The following XKR4 variants were observed in gnomAD, a reference collection of about 807,000 sequenced individuals.
XKR4 encodes XK-related protein 4.
In XKR4, 12 loss-of-function variants were observed where a neutral mutation model predicts 53.9. The ratio of observed to expected loss-of-function variants is 0.22; its 90% CI spans 0.14 to 0.36. The LOEUF (loss-of-function observed/expected upper bound fraction) is 0.36. Among genes scored for constraint, XKR4 ranks in the 10% least tolerant of loss-of-function variants. XKR4 has a pLI of 1.00. For synonymous variants in XKR4, 354 were observed against 362.4 expected (o/e 0.98, Z 0.26); for missense variants, 799 against 859.5 (o/e 0.93, Z 0.88).
chr8:55,474,982 G>A (rs987904467), intron 2 of XKR4, among the ~76,000 whole-genome samples: 5 of 152,116 alleles, frequency 3.3e-5, no homozygotes, highest in Non-Finnish European at 5.9e-5. Flanking sequence ...CATTCGCTCT[G>A]TCTTCAAGGA....
At chr8:55,253,311 G>A (rs975124693) in intron 1 of XKR4, among the ~76,000 whole-genome samples, 1 of 152,064 alleles carries the variant, frequency 6.6e-6, no homozygotes, top group East Asian at 1.9e-4. Context: ...ACATGCCTCT[G>A]TGTTGCTTTC....
chr8:55,458,788 T>C (rs1805607585), intron 2 of XKR4, among the ~76,000 whole-genome samples: 1 of 152,196 alleles, frequency 6.6e-6, no homozygotes, highest in African/African-American at 2.4e-5. Flanking sequence ...TCTCTCCTTT[T>C]CTGCTGCACT....
At chr8:55,307,301 C>T (rs527662103) in intron 1 of XKR4, among the ~76,000 whole-genome samples, 2 of 152,204 alleles carry the variant, frequency 1.3e-5, no homozygotes, top group African/African-American at 2.4e-5. Flanking sequence ...AGTCAAAAAA[C>T]AAACAACCTA....
chr8:55,227,504 C>A (rs1340084479), intron 1 of XKR4, among the ~76,000 whole-genome samples: 1 of 152,206 alleles, frequency 6.6e-6, no homozygotes, highest in Admixed American at 6.5e-5. Flanking sequence ...AATCAATGCA[C>A]CAACCAGTTG....
intron 1 of XKR4, among the ~76,000 whole-genome samples, chr8:55,323,523 T>C (rs907187990): frequency 6.6e-5 from 10 of 152,232 alleles, no homozygotes; most frequent in African/African-American, 2.4e-4. Context: ...TGTTTATAAG[T>C]CCTCTGTTCC....
intron 1 of XKR4, among the ~76,000 whole-genome samples, chr8:55,124,313 G>C (rs1050413400): frequency 6.6e-6 from 1 of 152,178 alleles, no homozygotes; most frequent in African/African-American, 2.4e-5. Flanking sequence ...CTTTAGTAGA[G>C]CAAAACTACA....
At chr8:55,158,461 T>C (rs954725216) in intron 1 of XKR4, among the ~76,000 whole-genome samples, 2 of 152,256 alleles carry the variant, frequency 1.3e-5, no homozygotes, top group Admixed American at 1.3e-4. Context: ...CTGTTTACTC[T>C]GTTGGTAGTT....
intron 1 of XKR4, among the ~76,000 whole-genome samples, chr8:55,298,342 T>C (rs569834130): frequency 6.6e-6 from 1 of 152,280 alleles, no homozygotes; most frequent in South Asian, 2.1e-4. Flanking sequence ...CCGTTTGCAT[T>C]GCTATAAAGG....
rs1023623119 is a variant in XKR4, at chr8:55,529,801, A to G, written c.*5574A>G. On this transcript the variant is annotated 3_prime_UTR_variant, in exon 3 of 3. Transcript: ENST00000327381. ...CAAGAAAATTTTATTTAAAAGTCAA[A>G]GATGTCCTTCAAAATGAACAGTTAA... 1 of 152,180 alleles carries G rather than the reference A, an allele frequency of 6.6e-6. No homozygotes were observed. The highest frequency in any genetic ancestry group is 1.5e-5 in the Non-Finnish European group (1 of 68,022). The allele number at this position is 152,180 out of a possible 1,614,324, so 9.4% of individuals were successfully genotyped here.
chr8:55,187,795 A>G (rs1009206289), intron 1 of XKR4, among the ~76,000 whole-genome samples: 2 of 152,232 alleles, frequency 1.3e-5, no homozygotes, highest in Non-Finnish European at 2.9e-5. Flanking sequence ...AAGATCACCA[A>G]TCGCTGAAAA....
chr8:55,487,470 T>TC (rs1277634541), intron 2 of XKR4, among the ~76,000 whole-genome samples: 2 of 151,006 alleles, frequency 1.3e-5, no homozygotes, highest in African/African-American at 4.9e-5. Flanking sequence ...ATGCTTTCTT[T>TC]TTTTTTTTTT....
intron 2 of XKR4, among the ~76,000 whole-genome samples, chr8:55,458,462 T>C (rs148748565): frequency 0.018 from 2,686 of 152,358 alleles, 47 homozygotes; most frequent in Middle Eastern, 0.037. Flanking sequence ...TATCCGTGGA[T>C]GGCTTAAGTA....
At chr8:55,289,594 A>G (rs1275516350) in intron 1 of XKR4, among the ~76,000 whole-genome samples, 3 of 56,368 alleles carry the variant, frequency 5.3e-5, no homozygotes, top group Non-Finnish European at 1.1e-4. Flanking sequence ...AAAGAAAGAG[A>G]AAGAAAGAAA....
At chr8:55,239,612 A>G (rs1450815127) in intron 1 of XKR4, among the ~76,000 whole-genome samples, 1 of 152,186 alleles carries the variant, frequency 6.6e-6, no homozygotes, top group Non-Finnish European at 1.5e-5. Flanking sequence ...CTTTCTATAT[A>G]GACATTCTTC....
chr8:55,519,983 C>A (rs1017143636), intron 2 of XKR4, among the ~76,000 whole-genome samples: 1 of 152,174 alleles, frequency 6.6e-6, no homozygotes, highest in Non-Finnish European at 1.5e-5. Flanking sequence ...TTTCAAATAA[C>A]AACTTAAAAT....
intron 1 of XKR4, among the ~76,000 whole-genome samples, chr8:55,111,403 A>G (rs1008700393): frequency 1.1e-4 from 16 of 152,266 alleles, no homozygotes; most frequent in African/African-American, 3.9e-4. Context: ...TAGAATGTCT[A>G]CAGGTGTTCT....
intron 1 of XKR4, among the ~76,000 whole-genome samples, chr8:55,334,716 G>C (rs907668071): frequency 5.5e-4 from 83 of 152,166 alleles, no homozygotes; most frequent in Admixed American, 1.7e-3. Flanking sequence ...ATGTGTATGG[G>C]TGCAGGTGTA....
At chr8:55,206,158 C>T (rs949112034) in intron 1 of XKR4, among the ~76,000 whole-genome samples, 12 of 152,252 alleles carry the variant, frequency 7.9e-5, no homozygotes, top group East Asian at 5.8e-4. Flanking sequence ...AGATTTATTG[C>T]GAAGAGCAAA....
At chr8:55,230,133 A>G (rs1360119071) in intron 1 of XKR4, among the ~76,000 whole-genome samples, 1 of 152,090 alleles carries the variant, frequency 6.6e-6, no homozygotes, top group Non-Finnish European at 1.5e-5. Flanking sequence ...ATTTTCTCAG[A>G]TTACTTCTCT....
Sources: gnomAD v4.1 joint callset for allele counts (sites outside exome capture counted in the v4.1 genomes callset) on GRCh38, gnomAD v4.1.1 for gene constraint, MANE v1.5 for transcripts, NCBI Gene and HGNC (gene_info 2026-07-23, HGNC 2026-07-21) for gene names.